The following KALRN variants were observed in gnomAD, a reference collection of about 807,000 sequenced individuals.
KALRN encodes the protein kalirin RhoGEF kinase.
In KALRN, 70 loss-of-function variants were observed where a neutral mutation model predicts 353.7. The ratio of observed to expected loss-of-function variants is 0.20; its 90% CI spans 0.16 to 0.24. The LOEUF is 0.24. Among genes scored for constraint, KALRN ranks in the 10% least tolerant of loss-of-function variants. The pLI is 1.00. For synonymous variants in KALRN, 1,391 were observed against 1,434.8 expected (o/e 0.97, Z 0.69); for missense variants, 2,791 against 3,756.7 (o/e 0.74, Z 6.72).
chr3:124,085,658 A>G (rs1033593876), intron 1 of KALRN, among the ~76,000 whole-genome samples: 1 of 152,186 alleles, frequency 6.6e-6, no homozygotes, highest in African/African-American at 2.4e-5. Context: ...GTCCTGAGGG[A>G]GCACCTCCTT....
At chr3:124,222,341 C>T (rs1198966721) in intron 1 of KALRN, among the ~76,000 whole-genome samples, 1 of 152,082 alleles carries the variant, frequency 6.6e-6, no homozygotes, top group Non-Finnish European at 1.5e-5. Context: ...TATTCCAAAG[C>T]TGAATTTGAA....
intron 14 of KALRN, among the ~76,000 whole-genome samples, chr3:124,420,204 C>A (rs1419623970): frequency 6.6e-6 from 1 of 152,212 alleles, no homozygotes; most frequent in African/African-American, 2.4e-5. Context: ...GACTGAGTCT[C>A]AGGACATGCT....
At chr3:124,701,383 TC>T (rs1424429017) in intron 56 of KALRN, among the ~76,000 whole-genome samples, 17 of 140,472 alleles carry the variant, frequency 1.2e-4, no homozygotes, top group Admixed American at 7.1e-4. Flanking sequence ...TTTCTTTCTT[TC>T]TTTCTTTTTT....
At chr3:124,536,451 C>T (rs1489221529) in intron 33 of KALRN, among the ~76,000 whole-genome samples, 1 of 152,206 alleles carries the variant, frequency 6.6e-6, no homozygotes, top group Non-Finnish European at 1.5e-5. Context: ...ATTCGCCTGC[C>T]TCAGCCTCCC....
intron 1 of KALRN, among the ~76,000 whole-genome samples, chr3:124,074,009 G>C (rs761203096): frequency 2.6e-5 from 4 of 151,994 alleles, no homozygotes; most frequent in African/African-American, 4.8e-5. Flanking sequence ...GAATGGACTT[G>C]GATAGCAGAG....
chr3:124,373,926 T>C (rs1004756824), intron 10 of KALRN, among the ~76,000 whole-genome samples: 1 of 152,218 alleles, frequency 6.6e-6, no homozygotes, highest in African/African-American at 2.4e-5. Context: ...GTGAATGGTG[T>C]TACTGTTGAG....
At chr3:124,527,665 GGAACTCTCA>G in intron 33 of KALRN, among the ~76,000 whole-genome samples, 1 of 152,164 alleles carries the variant, frequency 6.6e-6, no homozygotes, top group South Asian at 2.1e-4. Context: ...GGAGCAAGTA[GGAACTCTCA>G]GATAAGATAG....
At chr3:124,252,700 C>G (rs565347449) in intron 3 of KALRN, among the ~76,000 whole-genome samples, 16 of 152,332 alleles carry the variant, frequency 1.1e-4, no homozygotes, top group African/African-American at 3.6e-4. Flanking sequence ...ACAAAAACCT[C>G]TGGATGAATT....
chr3:124,152,405 C>G (rs757199128), intron 1 of KALRN: 7 of 1,260,912 alleles, frequency 5.6e-6, no homozygotes, highest in Non-Finnish European at 8.0e-6. Context: ...CTATTGATAC[C>G]TCTGATCCTG....
chr3:124,153,675 T>A (rs1221809362), intron 1 of KALRN, among the ~76,000 whole-genome samples: 2 of 151,360 alleles, frequency 1.3e-5, no homozygotes, highest in Non-Finnish European at 2.9e-5. Flanking sequence ...TAGTTCTAGA[T>A]CCCTGAGGAA....
At chr3:124,412,879 G>A (rs1164033623) in intron 13 of KALRN, among the ~76,000 whole-genome samples, 1 of 152,306 alleles carries the variant, frequency 6.6e-6, no homozygotes, top group African/African-American at 2.4e-5. Context: ...GGACCCTTGG[G>A]TTTGATGGAC....
At chr3:124,479,003 ACTTTGTAT>A (rs373378810) in intron 27 of KALRN, among the ~76,000 whole-genome samples, 20 of 152,240 alleles carry the variant, frequency 1.3e-4, no homozygotes, top group African/African-American at 4.8e-4. Context: ...TTTCCTTTGT[ACTTTGTAT>A]CTTTGTTATA....
At chr3:124,280,690 C>G (rs955585901) in intron 5 of KALRN, among the ~76,000 whole-genome samples, 12 of 152,008 alleles carry the variant, frequency 7.9e-5, no homozygotes, top group Admixed American at 7.9e-4. Flanking sequence ...GTTTGCCCAC[C>G]CAGAGAATGA....
intron 5 of KALRN, among the ~76,000 whole-genome samples, chr3:124,280,065 C>A (rs1210883455): frequency 2.0e-5 from 3 of 152,146 alleles, no homozygotes; most frequent in Admixed American, 6.5e-5. Context: ...AGTCAGAAGT[C>A]CATGGAATAA....
chr3:124,306,080 TA>T (rs893711501), intron 6 of KALRN, among the ~76,000 whole-genome samples: 1 of 152,054 alleles, frequency 6.6e-6, no homozygotes, highest in African/African-American at 2.4e-5. Context: ...TTATTATTAT[TA>T]TTATTTATTT....
intron 1 of KALRN, among the ~76,000 whole-genome samples, chr3:124,108,662 T>A (rs2062549571): frequency 6.6e-6 from 1 of 152,224 alleles, no homozygotes; most frequent in Non-Finnish European, 1.5e-5. Context: ...TTGGGATAAA[T>A]CCTTCATCAG....
intron 6 of KALRN, among the ~76,000 whole-genome samples, chr3:124,325,345 G>A (rs1373702618): frequency 1.3e-5 from 2 of 152,106 alleles, no homozygotes; most frequent in Non-Finnish European, 2.9e-5. Flanking sequence ...CTTATTATTA[G>A]CATGGAAAAG....
chr3:124,345,585 A>G (rs1327948789), intron 9 of KALRN, among the ~76,000 whole-genome samples: 2 of 152,222 alleles, frequency 1.3e-5, no homozygotes. Context: ...TAAAATATGT[A>G]TATTGCCAGA....
At chr3:124,180,294 C>T (rs1310729412) in intron 1 of KALRN, among the ~76,000 whole-genome samples, 1 of 152,204 alleles carries the variant, frequency 6.6e-6, no homozygotes, top group Non-Finnish European at 1.5e-5. Context: ...TTGTCTCCAT[C>T]CTCCAGCTCC....
Sources: gnomAD v4.1 joint callset for allele counts (sites outside exome capture counted in the v4.1 genomes callset) on GRCh38, gnomAD v4.1.1 for gene constraint, MANE v1.5 for transcripts, NCBI Gene and HGNC (gene_info 2026-07-23, HGNC 2026-07-21) for gene names.